Variants in ZNF200 observed in about 807,000 individuals in gnomAD.
ZNF200 encodes the protein zinc finger protein 200.
In ZNF200, 35 loss-of-function variants were observed where a neutral mutation model predicts 33.6. The ratio of observed to expected loss-of-function variants is 1.04; its 90% confidence interval spans 0.80 to 1.38. The LOEUF (loss-of-function observed/expected upper bound fraction) is 1.38. Among genes scored for constraint, ZNF200 ranks in the 40% most tolerant of loss-of-function variants. ZNF200 has a pLI of 0.00. For missense variants in ZNF200, 592 were observed against 470.6 expected (o/e 1.26, Z -2.39); for synonymous variants, 209 against 167.7 (o/e 1.25, Z -1.90).
Position 3,222,677 on chromosome 16 carries a change from A to G in ZNF200, c.*1215T>C, listed in dbSNP as rs930465346. The G allele has an allele frequency of 6.6e-6, 1 of 152,224 alleles. No homozygotes were observed. The highest frequency in any genetic ancestry group is 2.4e-5 in the African/African-American group (1 of 41,462). 9.4% of individuals were successfully genotyped at this position (152,224 alleles called of 1,614,324 possible). On this transcript the variant is annotated 3_prime_UTR_variant, in exon 5 of 5. Coordinates refer to ENST00000414144, the MANE Select transcript of ZNF200 (RefSeq NM_198088.3). ...AAACACCAATGTATAACTTTTGGAA[A>G]CCTAAAGCAAGCAAAACTGAAGAAT...
At position 3,232,858 on chromosome 16, in the gene ZNF200, G is replaced by A. The variant is rs147975246; in HGVS notation, c.314C>T (p.Ser105Phe). ...CTCAGGGTTAGCTTTCAAATACAGA[G>A]ACACTGTCTCTTGTTCCTTTTGGAC... ...KGVQKEQETV[S>F]LYLKANPEEL... is the part of the protein sequence containing the mutation. The change falls in exon 3 of 5, where the codon TCT (serine) becomes TTT (phenylalanine). Residue 105 changes from serine (S) to phenylalanine (F), a missense_variant. Transcript: ENST00000414144. 3 of 1,613,844 alleles carry A rather than the reference G, an allele frequency of 1.9e-6. No individual in the cohort carries two copies. Among genetic ancestry groups the A allele is most frequent in the Non-Finnish European group, 2.5e-6 (3 of 1,179,832 alleles).
chr16:3,232,152 G>C (rs1307724188), intron 4 of ZNF200, among the ~76,000 whole-genome samples: 2 of 152,078 alleles, frequency 1.3e-5, no homozygotes, highest in Non-Finnish European at 2.9e-5. Flanking sequence ...AATGGGTTCA[G>C]AACAGTTTCT....
chr16:3,232,918 T>G lies in ZNF200; in HGVS notation c.254A>C (p.His85Pro), dbSNP rs1567224345. The change falls in exon 3 of 5, where the codon CAT becomes CCT. Residue 85 changes from histidine (H) to proline (P), a missense_variant. Coordinates refer to ENST00000414144, the MANE Select transcript of ZNF200 (RefSeq NM_198088.3). ...DVSSSLQNRVHPRPLVKLLPK... is the reference protein window; with the variant it reads ...DVSSSLQNRVPPRPLVKLLPK... Reference sequence around the variant, plus strand: ...CAGAAGCTTCACCAAGGGACGAGGATGCACTGGGGAAAGAGGAAGGTTTAG... The same window carrying G: ...CAGAAGCTTCACCAAGGGACGAGGAGGCACTGGGGAAAGAGGAAGGTTTAG... 8 of 1,613,594 alleles carry G rather than the reference T, an allele frequency of 5.0e-6. No homozygotes were observed. The highest frequency in any genetic ancestry group is 5.9e-6 in the Non-Finnish European group (7 of 1,179,792).
At chr16:3,225,671 T>C (rs959454953) in intron 4 of ZNF200, 7 of 152,150 alleles carry the variant, frequency 4.6e-5, no homozygotes, top group African/African-American at 1.7e-4. Context: ...GTAGGCTTTT[T>C]CTATATTTCC....
In ZNF200 at chr16:3,233,665, G is replaced by C; in HGVS notation, c.91C>G (p.Leu31Val). The stretch of plus-strand genomic sequence containing the variant: ...GGCCCGTTAGTGGCATCTCGAAGTA[G>C]GTCTTGGCCCAGCTTGGAGTCTGGC... ...VPPDSKLGQDLLRDATNGPKT... is the reference protein window; with the variant it reads ...VPPDSKLGQDVLRDATNGPKT... Residue 31 changes from leucine (L) to valine (V), a missense_variant, in exon 2 of 5, where the codon CTA becomes GTA. By Grantham distance (32) the Leu-to-Val change is conservative. Transcript: ENST00000414144. 6.2e-7 allele frequency: 1 copy of C among 1,613,922 alleles called. No individual in the cohort carries two copies. The highest frequency in any genetic ancestry group is 8.5e-7 in the Non-Finnish European group (1 of 1,179,982).
intron 2 of ZNF200, 49 bp downstream of exon 2, chr16:3,233,457 T>G (rs999335664): frequency 1.3e-6 from 2 of 1,500,024 alleles, no homozygotes; most frequent in African/African-American, 2.8e-5. Context: ...TATCTTAGAC[T>G]CCAGTACCTC....
At chr16:3,233,323 C>T (rs576026545) in intron 2 of ZNF200, among the ~76,000 whole-genome samples, 183 bp downstream of exon 2, 168 of 152,346 alleles carry the variant, frequency 1.1e-3, no homozygotes, top group Admixed American at 1.4e-3. Flanking sequence ...AAGATGCACA[C>T]TGTTTATTCT....
chr16:3,232,440 G>T lies in ZNF200; in HGVS notation c.447C>A (p.Val149=). 1.2e-6 allele frequency: 2 copies of T among 1,613,870 alleles called. No homozygotes were observed. The highest frequency in any genetic ancestry group is 2.2e-5 in the South Asian group (2 of 91,020). The part of the protein sequence containing the change: ...LTSEKEDDSS[V]GEMMLLAVNG... ...TCTTACCCAGTAACATCATTTCCCC[G>T]ACACTGCTGTCATCTTCCTTCTCTG... is the stretch of plus-strand genomic sequence containing the variant. Residue 149 remains valine, a synonymous_variant, in exon 4 of 5, where the codon GTC becomes GTA. Transcript: ENST00000414144.
Position 3,223,694 on chromosome 16 carries a change from T to C in ZNF200, c.*198A>G. 1.3e-6 allele frequency: 1 copy of C among 755,968 alleles called. No individual in the cohort carries two copies. The highest frequency in any genetic ancestry group is 2.8e-5 in the East Asian group (1 of 35,942). 46.8% of individuals were successfully genotyped at this position (755,968 alleles called of 1,614,324 possible). On this transcript the variant is annotated 3_prime_UTR_variant, in exon 5 of 5. Transcript: ENST00000414144. ...AGTCCAAAAAGCCTAGATGCTGAGGTATAGCCCTTGAAATGTTTTCTTCCC... is the reference window on the plus strand; with the variant it reads ...AGTCCAAAAAGCCTAGATGCTGAGGCATAGCCCTTGAAATGTTTTCTTCCC...
intron 4 of ZNF200, among the ~76,000 whole-genome samples, chr16:3,231,163 A>C (rs561388245): frequency 1.3e-5 from 2 of 152,288 alleles, no homozygotes; most frequent in African/African-American, 4.8e-5. Context: ...GGGGCCCTGA[A>C]GTGCATAGTC....
Position 3,233,647 on chromosome 16 carries a change from T to A in ZNF200, c.109A>T (p.Asn37Tyr), listed in dbSNP as rs145647523. The change falls in exon 2 of 5, where the codon AAC (asparagine) becomes TAC (tyrosine). Residue 37 changes from asparagine (N) to tyrosine (Y), a missense_variant. Asn to Tyr is a moderately radical substitution (Grantham distance 143). Transcript: ENST00000414144. Reference protein sequence around the residue: ...LGQDLLRDATNGPKTIHQLVL... With the variant: ...LGQDLLRDATYGPKTIHQLVL... ...AGCTGGTGGATGGTCTTGGGCCCGTTAGTGGCATCTCGAAGTAGGTCTTGG... is the reference window on the plus strand; with the variant it reads ...AGCTGGTGGATGGTCTTGGGCCCGTAAGTGGCATCTCGAAGTAGGTCTTGG... 6.2e-7 allele frequency: 1 copy of A among 1,613,932 alleles called. No homozygotes were observed.
In ZNF200 at chr16:3,224,310, C is replaced by T. The variant is rs1392254360; in HGVS notation, c.770G>A (p.Cys257Tyr). 6.2e-7 allele frequency: 1 copy of T among 1,614,048 alleles called. No individual in the cohort carries two copies. The highest frequency in any genetic ancestry group is 1.3e-5 in the African/African-American group (1 of 74,932). Residue 257 changes from cysteine to tyrosine, a missense_variant, in exon 5 of 5, where the codon TGT (cysteine) becomes TAT (tyrosine). By Grantham distance (194) the Cys-to-Tyr change is radical. Transcript: ENST00000414144. ...AGAACTTTCATTAAACTGTTTCCCA[C>T]ACAGTGGACAAGTGTACCATCTCCT... ...RTRRWYTCPL[C>Y]GKQFNESSYL... is the part of the protein sequence containing the mutation.
Position 3,232,817 on chromosome 16 carries a change from G to C in ZNF200, c.339+16C>G. 2 of 1,612,700 alleles carry C rather than the reference G, an allele frequency of 1.2e-6. No individual in the cohort carries two copies. Among genetic ancestry groups the C allele is most frequent in the South Asian group, 1.1e-5 (1 of 91,032 alleles). On this transcript the variant is annotated intron_variant, in intron 3 of 4. Transcript: ENST00000414144. The stretch of plus-strand genomic sequence containing the variant: ...AGGTGATGGATTCAGGCAGTAAATG[G>C]GAAAACCAAACCCACCTCAGGGTTA...
intron 4 of ZNF200, 146 bp from the exon 5 acceptor site, chr16:3,224,759 T>C: frequency 1.0e-6 from 1 of 981,592 alleles, no homozygotes. Context: ...TTTCCATACT[T>C]ATTGAGGGTG....
chr16:3,230,269 C>A (rs1958601341), intron 4 of ZNF200, among the ~76,000 whole-genome samples: 1 of 152,192 alleles, frequency 6.6e-6, no homozygotes, highest in Admixed American at 6.5e-5. Flanking sequence ...AATTACCCAG[C>A]CTCAGGTATT....
At position 3,223,257 on chromosome 16, in the gene ZNF200, A is replaced by G. The variant is rs1439490816; in HGVS notation, c.*635T>C. 6.6e-6 allele frequency: 1 copy of G among 152,328 alleles called. No homozygotes were observed. Among genetic ancestry groups the G allele is most frequent in the East Asian group, 1.9e-4 (1 of 5,204 alleles). 9.4% of individuals were successfully genotyped at this position (152,328 alleles called of 1,614,324 possible). On this transcript the variant is annotated 3_prime_UTR_variant, in exon 5 of 5. Coordinates refer to ENST00000414144, the MANE Select transcript of ZNF200 (RefSeq NM_198088.3). The stretch of plus-strand genomic sequence containing the variant: ...TATGTTGTGAAAAGGAATCTGTAAA[A>G]GTCAGTTTTATCACAAATTGTAAAT...
At chr16:3,224,709 CG>C (rs1338962625) in intron 4 of ZNF200, 96 bp from the exon 5 acceptor site, 3 of 1,467,778 alleles carry the variant, frequency 2.0e-6, no homozygotes, top group Non-Finnish European at 2.7e-6. Context: ...CCACCTTGAA[CG>C]TCAATCTGGG....
In ZNF200 at chr16:3,233,523, G is replaced by C; in HGVS notation, c.233C>G (p.Ser78Ter). The change falls in exon 2 of 5, where the codon TCA (serine) becomes TGA (stop). Residue 78 changes from serine to a stop codon, truncating the protein, a stop_gained. Transcript: ENST00000414144. LOFTEE classifies it high-confidence loss of function. ...CTTCTCACCTCTGTTCTGAAGGCTTGAGCTCACATCTTTCATAATAACCAA... is the reference window on the plus strand; with the variant it reads ...CTTCTCACCTCTGTTCTGAAGGCTTCAGCTCACATCTTTCATAATAACCAA... ...ETLVIMKDVS[S>*]SLQNRVHPRP... 1 of 1,563,756 alleles carries C rather than the reference G, an allele frequency of 6.4e-7. No individual in the cohort carries two copies. The highest frequency in any genetic ancestry group is 8.6e-7 in the Non-Finnish European group (1 of 1,156,144).
At chr16:3,227,671 TC>T (rs1191154529) in intron 4 of ZNF200, 1 of 152,236 alleles carries the variant, frequency 6.6e-6, no homozygotes, top group African/African-American at 2.4e-5. Context: ...CCCCCTTTAC[TC>T]GTACTTCTCC....
Sources: gnomAD v4.1 joint callset for allele counts (sites outside exome capture counted in the v4.1 genomes callset) on GRCh38, gnomAD v4.1.1 for gene constraint, MANE v1.5 for transcripts, NCBI Gene and HGNC (gene_info 2026-07-23, HGNC 2026-07-21) for gene names.